The following PRLR variants were observed in gnomAD, a reference collection of about 807,000 sequenced individuals.
PRLR encodes prolactin receptor.
Under a neutral mutation model 40.2 loss-of-function variants are expected in PRLR, and 13 were observed. The ratio of observed to expected loss-of-function variants is 0.32; its 90% CI spans 0.21 to 0.51. PRLR has a LOEUF of 0.51. Ranked by LOEUF, PRLR falls within the 20% of genes least tolerant of loss-of-function variation. The pLI is 0.97. For synonymous variants in PRLR, 269 were observed against 278.7 expected (o/e 0.97, Z 0.35); for missense variants, 656 against 747.3 (o/e 0.88, Z 1.42).
intron 1 of PRLR, among the ~76,000 whole-genome samples, chr5:35,156,868 G>C (rs1036899831): frequency 1.3e-5 from 2 of 152,080 alleles, no homozygotes; most frequent in Non-Finnish European, 2.9e-5. Flanking sequence ...CAGACTGTGA[G>C]ATGAAACCTC....
In PRLR at chr5:35,191,048, C is replaced by CTTTTTTTT. The variant is rs869174221; in HGVS notation, c.-106+39212_-106+39219dup. On this transcript the variant is annotated intron_variant, in intron 1 of 9. Transcript: ENST00000618457. ...ATCCAATTAACAGATGTGTTATTTTCTTTTTTTTTTTTTTTTTTTTTTTTT... is the reference window on the plus strand; with the variant it reads ...ATCCAATTAACAGATGTGTTATTTTCTTTTTTTTTTTTTTTTTTTTTTTTTTTTTTTTT... Among the ~76,000 whole-genome samples, 20 of 68,166 alleles carry CTTTTTTTT rather than the reference C, an allele frequency of 2.9e-4. 2 individuals are homozygous for CTTTTTTTT. Among genetic ancestry groups the CTTTTTTTT allele is most frequent in the East Asian group, 2.0e-3 (4 of 1,958 alleles). The allele number at this position is 68,166 out of a possible 152,430, so 44.7% of individuals were successfully genotyped here. A position where few individuals can be genotyped will look rare whatever the true frequency, so the allele number is the denominator to read the frequency against.
chr5:35,179,434 G>A (rs1291577919), intron 1 of PRLR, among the ~76,000 whole-genome samples: 1 of 152,122 alleles, frequency 6.6e-6, no homozygotes, highest in Non-Finnish European at 1.5e-5. Context: ...CGCGAATAAG[G>A]CAGTTGTGGT....
chr5:35,071,825 C>T (rs973274498), intron 6 of PRLR, among the ~76,000 whole-genome samples: 8 of 151,850 alleles, frequency 5.3e-5, no homozygotes, highest in African/African-American at 1.9e-4. Flanking sequence ...GTCTCAAACT[C>T]CTGACCTCAA....
chr5:35,052,443 T>G (rs1236227233), downstream of PRLR, among the ~76,000 whole-genome samples: 3 of 152,168 alleles, frequency 2.0e-5, no homozygotes, highest in African/African-American at 7.2e-5. Flanking sequence ...AGGCATATCT[T>G]TCACATAACT....
intron 1 of PRLR, among the ~76,000 whole-genome samples, chr5:35,229,003 C>T (rs571346311): frequency 2.4e-4 from 36 of 152,160 alleles, no homozygotes; most frequent in African/African-American, 8.4e-4. Flanking sequence ...ACAGCTAATT[C>T]TCAAAAGGAC....
chr5:35,091,501 T>C (rs1163967351), intron 2 of PRLR, among the ~76,000 whole-genome samples: 1 of 152,208 alleles, frequency 6.6e-6, no homozygotes, highest in Non-Finnish European at 1.5e-5. Flanking sequence ...TAGTAGATTG[T>C]CAGTCAAATG....
intron 1 of PRLR, among the ~76,000 whole-genome samples, chr5:35,174,910 G>A (rs1775101904): frequency 6.6e-6 from 1 of 152,194 alleles, no homozygotes. Context: ...AAGAGTGTAA[G>A]CTCAGAGAGG....
intron 9 of PRLR, 31 bp from the exon 10 acceptor site, chr5:35,066,133 C>T (rs1489581327): frequency 6.3e-7 from 1 of 1,582,680 alleles, no homozygotes; most frequent in Non-Finnish European, 8.6e-7. Flanking sequence ...GAAGAGATGG[C>T]TGTTAGCTTC....
intron 1 of PRLR, among the ~76,000 whole-genome samples, chr5:35,214,292 T>G (rs901971788): frequency 1.3e-5 from 2 of 152,214 alleles, no homozygotes; most frequent in Non-Finnish European, 2.9e-5. Context: ...GCTCTTCAGA[T>G]AGTATTTGGC....
chr5:35,210,573 C>T (rs1776145105), intron 1 of PRLR, among the ~76,000 whole-genome samples: 1 of 152,200 alleles, frequency 6.6e-6, no homozygotes, highest in Non-Finnish European at 1.5e-5. Context: ...CCTGTCTGGG[C>T]AGCGAAGCTC....
chr5:35,104,572 T>C (rs1229555951), intron 2 of PRLR, among the ~76,000 whole-genome samples: 1 of 152,158 alleles, frequency 6.6e-6, no homozygotes, highest in Non-Finnish European at 1.5e-5. Flanking sequence ...TAGGAGATTA[T>C]ATCCTGCCCC....
intron 1 of PRLR, among the ~76,000 whole-genome samples, chr5:35,169,911 A>G (rs927375790): frequency 6.6e-6 from 1 of 152,200 alleles, no homozygotes; most frequent in African/African-American, 2.4e-5. Flanking sequence ...CTCCAAATTC[A>G]TCTACAGCAT....
At chr5:35,204,816 A>G (rs971705412) in intron 1 of PRLR, among the ~76,000 whole-genome samples, 1 of 152,172 alleles carries the variant, frequency 6.6e-6, no homozygotes, top group African/African-American at 2.4e-5. Context: ...AAGGCACCTG[A>G]TACAACATGG....
chr5:35,072,505 G>A (rs1769813004), intron 6 of PRLR, 70 bp downstream of exon 6: 2 of 1,504,868 alleles, frequency 1.3e-6, no homozygotes, highest in Non-Finnish European at 1.8e-6. Flanking sequence ...GGAATGACCT[G>A]TTTTCAGTTG....
intron 2 of PRLR, among the ~76,000 whole-genome samples, chr5:35,092,661 G>C (rs1022351422): frequency 6.6e-6 from 1 of 152,116 alleles, no homozygotes; most frequent in Non-Finnish European, 1.5e-5. Context: ...TCCAATGAGG[G>C]GCCTCATCTT....
intron 1 of PRLR, among the ~76,000 whole-genome samples, chr5:35,226,442 G>C (rs888895098): frequency 2.6e-5 from 4 of 152,232 alleles, no homozygotes; most frequent in Non-Finnish European, 4.4e-5. Flanking sequence ...TCATTGGGAA[G>C]ATAAACAGAG....
chr5:35,180,360 A>T (rs1216839554), intron 1 of PRLR, among the ~76,000 whole-genome samples: 1 of 152,066 alleles, frequency 6.6e-6, no homozygotes, highest in Non-Finnish European at 1.5e-5. Flanking sequence ...TCTCTTCGTG[A>T]TAGTGAGTGA....
intron 1 of PRLR, among the ~76,000 whole-genome samples, chr5:35,197,487 T>C (rs988118960): frequency 6.6e-6 from 1 of 152,210 alleles, no homozygotes; most frequent in African/African-American, 2.4e-5. Flanking sequence ...CTTAGGTGAA[T>C]GACTGAAGCT....
intron 1 of PRLR, among the ~76,000 whole-genome samples, chr5:35,223,680 A>G (rs1358473563): frequency 6.6e-6 from 1 of 152,226 alleles, no homozygotes. Context: ...GCCCTCCAGA[A>G]TTGCAAAACT....
Sources: gnomAD v4.1 joint callset for allele counts (sites outside exome capture counted in the v4.1 genomes callset) on GRCh38, gnomAD v4.1.1 for gene constraint, MANE v1.5 for transcripts, NCBI Gene and HGNC (gene_info 2026-07-23, HGNC 2026-07-21) for gene names.